WRNIP1: variants seen among roughly 807,000 people sequenced by gnomAD.
The protein encoded by WRNIP1 is WRN helicase interacting protein 1, also known as ATPase WRNIP1.
WRNIP1 carries 41 observed loss-of-function variants against 56.1 expected under a neutral mutation model. That is an observed-to-expected ratio of 0.73 (90% CI 0.57 to 0.95). The LOEUF (loss-of-function observed/expected upper bound fraction) is 0.95, where lower values mean the gene tolerates loss of function less well. Ranked by LOEUF, WRNIP1 falls within the 40% of genes least tolerant of loss-of-function variation. WRNIP1 has a pLI of 0.00. For synonymous variants in WRNIP1, 547 were observed against 398.1 expected (o/e 1.37, Z -4.45); for missense variants, 1,170 against 939.4 (o/e 1.25, Z -3.21).
chr6:2,779,415 C>T lies in WRNIP1; in HGVS notation c.1409C>T (p.Ser470Phe), dbSNP rs552241646. 3 of 1,614,236 alleles carry T rather than the reference C, an allele frequency of 1.9e-6. No individual in the cohort carries two copies. Among genetic ancestry groups the T allele is most frequent in the East Asian group, 2.2e-5 (1 of 44,880 alleles). ...TGTAAGAAGAGTGGGCAATCCTATT[C>T]TCCCAGTAGAGTTCTGATCACAGAG... The part of the protein sequence containing the change: ...MFCKKSGQSY[S>F]PSRVLITEND... The change falls in exon 4 of 7, where the codon TCT (serine) becomes TTT (phenylalanine). Residue 470 changes from serine to phenylalanine, a missense_variant. By Grantham distance (155) the Ser-to-Phe change is radical (BLOSUM62 -2). Transcript: ENST00000380773.
chr6:2,765,631 G>A lies in WRNIP1; in HGVS notation c.9G>A (p.Val3=). The change falls in exon 1 of 7, where the codon GTG becomes GTA. Residue 3 remains valine, a synonymous_variant. Transcript: ENST00000380773. ...GGAGGGCGGCGGCCGCCATGGAGGT[G>A]AGCGGGCCGGAAGACGACCCCTTCC... ME[V]SGPEDDPFLS... The A allele has an allele frequency of 1.3e-6, 2 of 1,535,674 alleles. No homozygotes were observed. The highest frequency in any genetic ancestry group is 1.7e-6 in the Non-Finnish European group (2 of 1,149,868).
Position 2,766,024 on chromosome 6 carries a change from C to T in WRNIP1, c.402C>T (p.Pro134=), listed in dbSNP as rs976528887. The change falls in exon 1 of 7, where the codon CCC becomes CCT. Residue 134 remains proline (P), a synonymous_variant. Transcript: ENST00000380773. ...TCCCGGTGGCCCGCTCCAGCAGCCC[C>T]GGGAGGAAGGGGTCGGGGAAGAGGC... is the stretch of plus-strand genomic sequence containing the variant. The part of the protein sequence containing the change: ...PDFPVARSSS[P]GRKGSGKRPA... The T allele has an allele frequency of 5.3e-6, 7 of 1,323,564 alleles. No individual in the cohort carries two copies. The highest frequency in any genetic ancestry group is 1.5e-5 in the African/African-American group (1 of 65,246). 82.0% of individuals were successfully genotyped at this position (1,323,564 alleles called of 1,614,324 possible). A position where few individuals can be genotyped will look rare whatever the true frequency, so the allele number is the denominator to read the frequency against.
At position 2,783,533 on chromosome 6, in the gene WRNIP1, G is replaced by T. The variant is rs768879172; in HGVS notation, c.1614G>T (p.Arg538Ser). 7 of 1,612,718 alleles carry T rather than the reference G, an allele frequency of 4.3e-6. No individual in the cohort carries two copies. In the Admixed American group the frequency reaches 1.2e-4, roughly 27 times the overall value. ...GGEDPLYVARRLVRFASEDIG... is the reference protein window; with the variant it reads ...GGEDPLYVARSLVRFASEDIG... Reference sequence around the variant, plus strand: ...AGGACCCACTCTACGTGGCACGGAGGCTTGTCAGGTTTGCCAGCGAGGACA... The same window carrying T: ...AGGACCCACTCTACGTGGCACGGAGTCTTGTCAGGTTTGCCAGCGAGGACA... The change falls in exon 5 of 7, where the codon AGG (arginine) becomes AGT (serine). Residue 538 changes from arginine to serine, a missense_variant. Transcript: ENST00000380773.
rs182150148 is a variant in WRNIP1 at position 2,769,092 on chromosome 6, G to A, written c.1014+210G>A. 5.3e-5 allele frequency among the ~76,000 whole-genome samples: 8 copies of A among 152,266 alleles called. No individual in the cohort carries two copies. The East Asian group carries it at 1.5e-3, about 29-fold the overall frequency. Reference sequence around the variant, plus strand: ...GCTTTCTCTATCTGATAAATGAAATGGTTGGCATATCCCTGAGCTATACGT... The same window carrying A: ...GCTTTCTCTATCTGATAAATGAAATAGTTGGCATATCCCTGAGCTATACGT... On this transcript the variant is annotated intron_variant, in intron 2 of 6. Coordinates refer to ENST00000380773, the MANE Select transcript of WRNIP1 (RefSeq NM_020135.3).
At chr6:2,784,201 G>A in intron 5 of WRNIP1, 123 bp from the exon 6 acceptor site, 1 of 773,120 alleles carries the variant, frequency 1.3e-6, no homozygotes, top group African/African-American at 1.7e-5. Flanking sequence ...AGGCTGTTTT[G>A]CTACATGGGA....
intron 3 of WRNIP1, among the ~76,000 whole-genome samples, chr6:2,777,418 T>A (rs1203786574): frequency 6.6e-6 from 1 of 152,212 alleles, no homozygotes; most frequent in African/African-American, 2.4e-5. Flanking sequence ...CCAATGGGGC[T>A]CCTGCTTTGA....
chr6:2,765,793 C>G lies in WRNIP1; in HGVS notation c.171C>G (p.Ala57=). 1 of 1,414,500 alleles carries G rather than the reference C, an allele frequency of 7.1e-7. No homozygotes were observed. The highest frequency in any genetic ancestry group is 9.2e-7 in the Non-Finnish European group (1 of 1,084,980). 87.6% of individuals were successfully genotyped at this position (1,414,500 alleles called of 1,614,324 possible). ...HAEPAAGSHR[A]GERAKGPSPP... Reference sequence around the variant, plus strand: ...AGCCCGCGGCCGGGTCGCACCGCGCCGGGGAGCGGGCCAAGGGGCCCTCGC... The same window carrying G: ...AGCCCGCGGCCGGGTCGCACCGCGCGGGGGAGCGGGCCAAGGGGCCCTCGC... Residue 57 remains alanine (A), a synonymous_variant, in exon 1 of 7, where the codon GCC becomes GCG. Transcript: ENST00000380773.
At chr6:2,780,271 A>C (rs1312367222) in intron 4 of WRNIP1, among the ~76,000 whole-genome samples, 1 of 152,206 alleles carries the variant, frequency 6.6e-6, no homozygotes, top group African/African-American at 2.4e-5. Flanking sequence ...CCAGAAAAGG[A>C]GGCTGATAAT....
rs1765698163 is a variant in WRNIP1, at chr6:2,785,855, G to C, written c.*573G>C. On this transcript the variant is annotated 3_prime_UTR_variant, in exon 7 of 7. Coordinates refer to ENST00000380773, the MANE Select transcript of WRNIP1 (RefSeq NM_020135.3). Reference sequence around the variant, plus strand: ...GGAGAAATCACCCCAGATGGGAAGAGTGGGGAGCTTAAGTTAAGAAGTCAG... The same window carrying C: ...GGAGAAATCACCCCAGATGGGAAGACTGGGGAGCTTAAGTTAAGAAGTCAG... 1 of 155,326 alleles carries C rather than the reference G, an allele frequency of 6.4e-6. No homozygotes were observed. The highest frequency in any genetic ancestry group is 6.4e-5 in the Admixed American group (1 of 15,742). The allele number at this position is 155,326 out of a possible 1,614,324, so 9.6% of individuals were successfully genotyped here. A position where few individuals can be genotyped will look rare whatever the true frequency, so the allele number is the denominator to read the frequency against.
At chr6:2,782,910 A>G (rs1765597571) in intron 4 of WRNIP1, among the ~76,000 whole-genome samples, 1 of 152,216 alleles carries the variant, frequency 6.6e-6, no homozygotes, top group Admixed American at 6.5e-5. Flanking sequence ...TTAAATGACC[A>G]CAGGCTTCGG....
At position 2,785,180 on chromosome 6, in the gene WRNIP1, C is replaced by G; in HGVS notation, c.1896C>G (p.Gly632=). Residue 632 remains glycine (G), a synonymous_variant, in exon 7 of 7, where the codon GGC becomes GGG. Coordinates refer to ENST00000380773, the MANE Select transcript of WRNIP1 (RefSeq NM_020135.3). ...PTRLMKDLGY[G]KGYKYNPMYS... Reference sequence around the variant, plus strand: ...GGCTGATGAAGGATTTGGGCTATGGCAAAGGCTACAAGTACAACCCCATGT... The same window carrying G: ...GGCTGATGAAGGATTTGGGCTATGGGAAAGGCTACAAGTACAACCCCATGT... The G allele has an allele frequency of 6.2e-7, 1 of 1,614,154 alleles. No individual in the cohort carries two copies. The highest frequency in any genetic ancestry group is 8.5e-7 in the Non-Finnish European group (1 of 1,180,032).
intron 2 of WRNIP1, among the ~76,000 whole-genome samples, chr6:2,769,504 A>ATT: frequency 6.6e-6 from 1 of 151,902 alleles, no homozygotes; most frequent in Admixed American, 6.6e-5. Context: ...ACTTTAAAAA[A>ATT]TTTTTTTTTG....
chr6:2,784,178 C>T, intron 5 of WRNIP1, 146 bp from the exon 6 acceptor site: 1 of 629,572 alleles, frequency 1.6e-6, no homozygotes, highest in South Asian at 2.1e-5. Flanking sequence ...GGATCAGAGA[C>T]TAGAGCTAAG....
intron 3 of WRNIP1, among the ~76,000 whole-genome samples, chr6:2,772,093 T>G (rs1471445360): frequency 2.6e-5 from 4 of 152,178 alleles, no homozygotes; most frequent in African/African-American, 9.7e-5. Flanking sequence ...CGTGCAGGAA[T>G]TTAAAGGAAA....
intron 1 of WRNIP1, among the ~76,000 whole-genome samples, chr6:2,767,209 A>T (rs1314452942): frequency 6.6e-6 from 1 of 152,208 alleles, no homozygotes; most frequent in Admixed American, 6.5e-5. Flanking sequence ...AAAGCATGTC[A>T]TTGGAAAAAC....
At chr6:2,781,173 G>T (rs569323481) in intron 4 of WRNIP1, among the ~76,000 whole-genome samples, 7 of 152,330 alleles carry the variant, frequency 4.6e-5, no homozygotes, top group African/African-American at 1.7e-4. Flanking sequence ...GCGGATCTTG[G>T]AGGGGTTCAG....
chr6:2,765,866 C>T lies in WRNIP1; in HGVS notation c.244C>T (p.Gln82Ter). The T allele has an allele frequency of 6.9e-7, 1 of 1,442,810 alleles. No homozygotes were observed. Among genetic ancestry groups the T allele is most frequent in the South Asian group, 1.4e-5 (1 of 73,968 alleles). 89.4% of individuals were successfully genotyped at this position (1,442,810 alleles called of 1,614,324 possible). A position where few individuals can be genotyped will look rare whatever the true frequency, so the allele number is the denominator to read the frequency against. The change falls in exon 1 of 7, where the codon CAG (glutamine) becomes TAG (stop). Residue 82 changes from glutamine to a stop codon, truncating the protein, a stop_gained. Transcript: ENST00000380773. LOFTEE classifies it high-confidence loss of function. ...GCTGTCGGAGAGCTCGGCGCTGAAGCAGCCAGCCACCCCGACGGCAGCCGA... is the reference window on the plus strand; with the variant it reads ...GCTGTCGGAGAGCTCGGCGCTGAAGTAGCCAGCCACCCCGACGGCAGCCGA... ...RRLSESSALK[Q>*]PATPTAAESS...
intron 6 of WRNIP1, 90 bp downstream of exon 6, chr6:2,784,493 C>T (rs780251547): frequency 1.2e-4 from 157 of 1,355,768 alleles, no homozygotes; most frequent in Non-Finnish European, 1.5e-4. Context: ...CCCTCCTTCA[C>T]CATTGGTGTA....
rs1765159397 is a variant in WRNIP1 at position 2,768,954 on chromosome 6, C to A, written c.1014+72C>A. The A allele has an allele frequency of 9.7e-6, 14 of 1,443,640 alleles. No homozygotes were observed. The Admixed American group carries it at 2.8e-4, about 29-fold the overall frequency. 89.4% of individuals were successfully genotyped at this position (1,443,640 alleles called of 1,614,324 possible). On this transcript the variant is annotated intron_variant, in intron 2 of 6. Transcript: ENST00000380773. ...ATATAAAGTGTGTGAGATCACTATA[C>A]AAACGCTAGAGACTTACGAGCTTTG...
Sources: allele counts gnomAD v4.1 joint callset (sites outside exome capture counted in the v4.1 genomes callset), GRCh38; gene constraint gnomAD v4.1.1; transcripts MANE v1.5; gene names NCBI Gene and HGNC (gene_info 2026-07-23, HGNC 2026-07-21).